The following PTPRD variants were observed in gnomAD, a reference collection of about 807,000 sequenced individuals.
The protein encoded by PTPRD is protein tyrosine phosphatase receptor type D, also known as receptor-type tyrosine-protein phosphatase delta.
In PTPRD, 34 loss-of-function variants were observed where a neutral mutation model predicts 214.5. The ratio of observed to expected loss-of-function variants is 0.16; its 90% CI spans 0.12 to 0.21. The LOEUF (loss-of-function observed/expected upper bound fraction) is 0.21. Among genes scored for constraint, PTPRD ranks in the 10% least tolerant of loss-of-function variants. The probability of loss-of-function intolerance (pLI) is 1.00; values close to 1 mark genes in which losing one functional copy is unlikely to be tolerated. For synonymous variants in PTPRD, 1,128 were observed against 845.7 expected (o/e 1.33, Z -5.79); for missense variants, 2,545 against 2,398.7 (o/e 1.06, Z -1.27).
intron 5 of PTPRD, chr9:9,800,759 A>G (rs560170133): frequency 2.0e-5 from 3 of 152,182 alleles, no homozygotes; most frequent in African/African-American, 4.8e-5. Flanking sequence ...CAATTTATCC[A>G]ATGTTGAAAG....
At chr9:8,878,045 T>A (rs138897049) in intron 11 of PTPRD, among the ~76,000 whole-genome samples, 1 of 152,324 alleles carries the variant, frequency 6.6e-6, no homozygotes, top group East Asian at 1.9e-4. Flanking sequence ...ATACACTTTA[T>A]ATAATTGAGT....
At chr9:10,441,550 T>A (rs932896053) in intron 2 of PTPRD, among the ~76,000 whole-genome samples, 1 of 123,466 alleles carries the variant, frequency 8.1e-6, no homozygotes. Flanking sequence ...CAATAAAGTA[T>A]TTTTTTTTCC....
chr9:9,361,640 T>C (rs1341965742), intron 9 of PTPRD, among the ~76,000 whole-genome samples: 2 of 151,060 alleles, frequency 1.3e-5, no homozygotes, highest in African/African-American at 4.8e-5. Flanking sequence ...CTTTTCTTCA[T>C]GCTAGAAAGA....
At chr9:8,636,641 A>G (rs1316680188) in intron 13 of PTPRD, 58 bp downstream of exon 13, 2 of 1,590,300 alleles carry the variant, frequency 1.3e-6, no homozygotes, top group Non-Finnish European at 1.7e-6. Context: ...TAACGTAGAA[A>G]CCAAAGACAG....
chr9:9,578,144 G>A (rs1180767201), intron 7 of PTPRD, among the ~76,000 whole-genome samples: 2 of 149,410 alleles, frequency 1.3e-5, no homozygotes, highest in African/African-American at 2.5e-5. Context: ...CTGATGTTAA[G>A]CCAAGCAGGC....
At chr9:9,275,195 TATA>T (rs1569566777) in intron 9 of PTPRD, among the ~76,000 whole-genome samples, 4 of 10,170 alleles carry the variant, frequency 3.9e-4, no homozygotes, top group Non-Finnish European at 1.2e-3. Context: ...TATATATATA[TATA>T]TTATATATAT....
intron 4 of PTPRD, among the ~76,000 whole-genome samples, chr9:9,958,075 A>G (rs1289875026): frequency 6.6e-6 from 1 of 152,200 alleles, no homozygotes; most frequent in Non-Finnish European, 1.5e-5. Flanking sequence ...CATAAAGCAT[A>G]ACTTAAAATA....
chr9:10,563,974 G>A lies in PTPRD; in HGVS notation c.-600+48424C>T, dbSNP rs1191814713. 2.6e-5 allele frequency among the ~76,000 whole-genome samples: 4 copies of A among 151,528 alleles called. No individual in the cohort carries two copies. In the East Asian group the frequency reaches 7.8e-4, roughly 29 times the overall value. On this transcript the variant is annotated intron_variant, in intron 2 of 45. Transcript: ENST00000381196. ...GCCCACTTATTTTGAAACATCATCT[G>A]TGCCAGTTGTTTCCCCTACCTACAT...
intron 5 of PTPRD, among the ~76,000 whole-genome samples, chr9:9,919,325 G>A (rs1431685529): frequency 1.3e-5 from 2 of 151,968 alleles, no homozygotes; most frequent in Non-Finnish European, 2.9e-5. Context: ...TGGTGGCTTG[G>A]CCCAAACTTC....
intron 2 of PTPRD, among the ~76,000 whole-genome samples, chr9:10,479,829 A>T (rs1333394678): frequency 6.6e-6 from 1 of 152,030 alleles, no homozygotes; most frequent in Non-Finnish European, 1.5e-5. Context: ...TTAGAAAAAG[A>T]ACAAACCGCG....
chr9:10,168,111 T>C (rs999815779), intron 3 of PTPRD, among the ~76,000 whole-genome samples: 19 of 152,176 alleles, frequency 1.2e-4, no homozygotes, highest in Admixed American at 4.6e-4. Context: ...TGGAAACATA[T>C]TTGCTTTTGC....
chr9:9,843,323 C>G (rs973982345), intron 5 of PTPRD, among the ~76,000 whole-genome samples: 3 of 151,836 alleles, frequency 2.0e-5, no homozygotes, highest in Non-Finnish European at 4.4e-5. Context: ...ATTTTCTCAG[C>G]TAACAAAAAA....
intron 14 of PTPRD, among the ~76,000 whole-genome samples, chr9:8,606,164 G>A (rs2095199442): frequency 6.6e-6 from 1 of 152,108 alleles, no homozygotes; most frequent in Admixed American, 6.5e-5. Flanking sequence ...GATGAGGAAA[G>A]GAGGAAGGAG....
intron 10 of PTPRD, among the ~76,000 whole-genome samples, chr9:9,071,217 G>A (rs1195801611): frequency 2.0e-5 from 3 of 152,096 alleles, no homozygotes; most frequent in Non-Finnish European, 2.9e-5. Flanking sequence ...CCTCTACCCT[G>A]AACTTTTATA....
chr9:8,995,867 C>G (rs1323878519), intron 11 of PTPRD, among the ~76,000 whole-genome samples: 1 of 152,012 alleles, frequency 6.6e-6, no homozygotes, highest in Admixed American at 6.6e-5. Context: ...TGTGACATTA[C>G]AGAAAAAGTT....
intron 5 of PTPRD, among the ~76,000 whole-genome samples, chr9:9,826,863 A>G (rs1437482265): frequency 6.6e-6 from 1 of 152,094 alleles, no homozygotes; most frequent in Non-Finnish European, 1.5e-5. Flanking sequence ...TACACCAATA[A>G]CAGACAAACA....
chr9:8,964,190 GTGTTTTTTTT>G lies in PTPRD; in HGVS notation c.-104+54497_-104+54506del, dbSNP rs1293335933. The stretch of plus-strand genomic sequence containing the variant: ...CTGTGAATCTATCTAGTTCAGGGCT[GTGTTTTTTTT>G]TTTTTTTTTTTTTTTTTGCTGATTC... On this transcript the variant is annotated intron_variant, in intron 11 of 45. Transcript: ENST00000381196. Among the ~76,000 whole-genome samples the G allele has an allele frequency of 2.6e-4, 14 of 52,952 alleles. 1 individual carries two copies. In the South Asian group the frequency reaches 3.8e-3, roughly 14 times the overall value. 34.7% of individuals were successfully genotyped at this position (52,952 alleles called of 152,430 possible). A position where few individuals can be genotyped will look rare whatever the true frequency, so the allele number is the denominator to read the frequency against.
At chr9:8,986,841 C>T (rs1191861837) in intron 11 of PTPRD, among the ~76,000 whole-genome samples, 4 of 152,006 alleles carry the variant, frequency 2.6e-5, no homozygotes, top group African/African-American at 9.7e-5. Context: ...GCCACTCTTG[C>T]AGTTATTGAA....
At chr9:9,359,413 T>G (rs1227627991) in intron 9 of PTPRD, among the ~76,000 whole-genome samples, 1 of 151,310 alleles carries the variant, frequency 6.6e-6, no homozygotes, top group African/African-American at 2.4e-5. Flanking sequence ...TGTCCCCTGA[T>G]AAGAGGTTGT....
Sources: gnomAD v4.1 joint callset for allele counts (sites outside exome capture counted in the v4.1 genomes callset) on GRCh38, gnomAD v4.1.1 for gene constraint, MANE v1.5 for transcripts, NCBI Gene and HGNC (gene_info 2026-07-23, HGNC 2026-07-21) for gene names.